HPSE2: variants seen among roughly 807,000 people sequenced by gnomAD.
HPSE2 encodes heparanase 2 (inactive), also known as inactive heparanase-2.
HPSE2 carries 38 observed loss-of-function variants against 60.5 expected under a neutral mutation model. The observed-to-expected ratio is 0.63, with a 90% CI of 0.48 to 0.82. The LOEUF (loss-of-function observed/expected upper bound fraction) is 0.82, where lower values mean the gene tolerates loss of function less well. Ranked by LOEUF, HPSE2 falls within the 40% of genes least tolerant of loss-of-function variation. The pLI is 0.00. For synonymous variants in HPSE2, 295 were observed against 293.2 expected, an observed-to-expected ratio of 1.01 and a Z score of -0.06; for missense variants, 713 against 740.4, an observed-to-expected ratio of 0.96 and a Z score of 0.43.
At chr10:98,505,808 GCCCCGT>G (rs1942181088) in intron 9 of HPSE2, among the ~76,000 whole-genome samples, 1 of 152,036 alleles carries the variant, frequency 6.6e-6, no homozygotes, top group South Asian at 2.1e-4. Context: ...GATCTGAAAT[GCCCCGT>G]GTCCTGTATT....
chr10:98,998,772 C>A (rs1416464163), intron 3 of HPSE2, among the ~76,000 whole-genome samples: 1 of 152,134 alleles, frequency 6.6e-6, no homozygotes, highest in African/African-American at 2.4e-5. Flanking sequence ...ACCCAGAGTT[C>A]TGTACTAAAA....
intron 3 of HPSE2, among the ~76,000 whole-genome samples, chr10:98,911,594 G>A (rs1953980532): frequency 6.6e-6 from 1 of 152,162 alleles, no homozygotes; most frequent in African/African-American, 2.4e-5. Flanking sequence ...AGCTGAGGTA[G>A]AGGGATAGGA....
chr10:98,681,112 A>T (rs554915049), intron 6 of HPSE2, among the ~76,000 whole-genome samples: 73 of 152,092 alleles, frequency 4.8e-4, no homozygotes, highest in African/African-American at 1.6e-3. Flanking sequence ...CACTTGAAAC[A>T]ATTAAAGACA....
At chr10:99,171,625 C>A (rs958985763) in intron 2 of HPSE2, among the ~76,000 whole-genome samples, 9 of 152,170 alleles carry the variant, frequency 5.9e-5, no homozygotes, top group Admixed American at 5.2e-4. Context: ...AGAGCCAATA[C>A]CCTGACATAT....
At chr10:99,028,408 AAT>A (rs1957425343) in intron 3 of HPSE2, among the ~76,000 whole-genome samples, 4 of 152,198 alleles carry the variant, frequency 2.6e-5, no homozygotes, top group African/African-American at 7.2e-5. Flanking sequence ...GCCACAAATA[AAT>A]ACCTAGGAAT....
intron 3 of HPSE2, among the ~76,000 whole-genome samples, chr10:98,944,453 G>A (rs2135168207): frequency 6.6e-6 from 1 of 152,236 alleles, no homozygotes; most frequent in East Asian, 1.9e-4. Flanking sequence ...CAATGCTAGA[G>A]GTGGTAGCAC....
intron 3 of HPSE2, among the ~76,000 whole-genome samples, chr10:99,061,469 C>T (rs746415068): frequency 9.2e-5 from 14 of 152,168 alleles, no homozygotes; most frequent in Admixed American, 9.2e-4. Context: ...TATAGCAGGA[C>T]AGTTAATACA....
At chr10:99,169,148 G>A (rs1295965566) in intron 2 of HPSE2, among the ~76,000 whole-genome samples, 1 of 145,332 alleles carries the variant, frequency 6.9e-6, no homozygotes, top group East Asian at 2.1e-4. Context: ...AGCCGAGATT[G>A]CGCCACTGCA....
chr10:99,232,637 C>T (rs1014910213), intron 1 of HPSE2, 132 bp from the exon 2 acceptor site: 16 of 1,055,836 alleles, frequency 1.5e-5, no homozygotes, highest in Non-Finnish European at 2.1e-5. Context: ...CCTGCCCCAG[C>T]CGGCAGTCCA....
the HPSE2 span, among the ~76,000 whole-genome samples, chr10:99,245,427 C>CA: frequency 5.9e-5 from 9 of 152,018 alleles, no homozygotes; most frequent in Non-Finnish European, 1.0e-4. Context: ...AGGGATATCT[C>CA]AAAAAAATTA....
At chr10:99,163,646 C>T (rs1846938054) in intron 2 of HPSE2, among the ~76,000 whole-genome samples, 1 of 152,092 alleles carries the variant, frequency 6.6e-6, no homozygotes, top group South Asian at 2.1e-4. Flanking sequence ...TAGATTTCAC[C>T]AGTTTTTCTA....
the HPSE2 span, among the ~76,000 whole-genome samples, chr10:99,246,791 T>TA: frequency 6.6e-6 from 1 of 152,212 alleles, no homozygotes; most frequent in Non-Finnish European, 1.5e-5. Flanking sequence ...TATTACTTGA[T>TA]ACATATGTAA....
intron 9 of HPSE2, among the ~76,000 whole-genome samples, chr10:98,540,453 C>A (rs1322506946): frequency 1.3e-5 from 2 of 152,100 alleles, no homozygotes; most frequent in Admixed American, 6.5e-5. Flanking sequence ...ATGTAGTAGG[C>A]CAAATGCAAT....
intron 9 of HPSE2, among the ~76,000 whole-genome samples, chr10:98,518,300 A>G (rs688236): frequency 0.98 from 148,718 of 152,308 alleles, 72,715 homozygotes; most frequent in East Asian, 1. Context: ...CTATAATGCA[A>G]GTGACAGTAA....
chr10:99,028,031 C>T (rs1957417151), intron 3 of HPSE2, among the ~76,000 whole-genome samples: 1 of 152,078 alleles, frequency 6.6e-6, no homozygotes, highest in South Asian at 2.1e-4. Context: ...ACACCAGACC[C>T]ACAGCTAGTA....
At position 98,934,377 on chromosome 10, in the gene HPSE2, T is replaced by G. The variant is rs1441822813; in HGVS notation, c.611-190321A>C. On this transcript the variant is annotated intron_variant, in intron 3 of 11. Transcript: ENST00000370552. ...TGTAGTTCCTTCATAGTGTCATTGG[T>G]CTGTGTACTTCAGTGTGTTTTTGTA... Among the ~76,000 whole-genome samples, 7 of 144,604 alleles carry G rather than the reference T, an allele frequency of 4.8e-5. 1 individual carries two copies. The highest frequency in any genetic ancestry group is 5.9e-5 in the Non-Finnish European group (4 of 67,310). The allele number at this position is 144,604 out of a possible 152,430, so 94.9% of individuals were successfully genotyped here.
intron 2 of HPSE2, among the ~76,000 whole-genome samples, chr10:99,186,433 C>T (rs1196383754): frequency 6.7e-6 from 1 of 149,716 alleles, no homozygotes; most frequent in Admixed American, 6.7e-5. Context: ...GTCCGAGCTA[C>T]TCAGGAGGCT....
chr10:99,043,351 G>A (rs979421553), intron 3 of HPSE2, among the ~76,000 whole-genome samples: 1 of 152,272 alleles, frequency 6.6e-6, no homozygotes, highest in Admixed American at 6.5e-5. Flanking sequence ...GGGCGTGGTG[G>A]TGGGCACCTG....
intron 5 of HPSE2, among the ~76,000 whole-genome samples, chr10:98,699,056 A>T (rs1348129794): frequency 6.6e-6 from 1 of 152,134 alleles, no homozygotes; most frequent in East Asian, 1.9e-4. Context: ...GAATTCTACC[A>T]GAGGTACAAG....
Sources: allele counts gnomAD v4.1 joint callset (sites outside exome capture counted in the v4.1 genomes callset), GRCh38; gene constraint gnomAD v4.1.1; transcripts MANE v1.5; gene names NCBI Gene and HGNC (gene_info 2026-07-23, HGNC 2026-07-21).